Variants in GALNT14 observed in about 807,000 individuals in gnomAD.
The protein encoded by GALNT14 is UDP-GalNAc:polypeptide N-acetylgalactosaminyltransferase 14.
GALNT14 carries 60 observed loss-of-function variants against 77.5 expected under a neutral mutation model. That is an observed-to-expected ratio of 0.77 (90% CI 0.63 to 0.96). The LOEUF (loss-of-function observed/expected upper bound fraction) is 0.96. Among genes scored for constraint, GALNT14 ranks in the 40% least tolerant of loss-of-function variants. The pLI is 0.00. For synonymous variants in GALNT14, 280 were observed against 281.7 expected (o/e 0.99, Z 0.06); for missense variants, 710 against 731.0 (o/e 0.97, Z 0.33).
chr2:30,921,807 T>C (rs147540309), intron 13 of GALNT14, among the ~76,000 whole-genome samples: 83 of 152,290 alleles, frequency 5.5e-4, no homozygotes, highest in African/African-American at 1.9e-3. Context: ...ACACTTTTGA[T>C]GGCCGTGACT....
the GALNT14 span, among the ~76,000 whole-genome samples, chr2:30,899,046 T>C: frequency 6.6e-6 from 1 of 152,132 alleles, no homozygotes; most frequent in Non-Finnish European, 1.5e-5. Context: ...CCGAGCTCTG[T>C]TGCCACCCTC....
chr2:31,041,407 T>C (rs960652082), intron 1 of GALNT14, among the ~76,000 whole-genome samples: 1 of 152,102 alleles, frequency 6.6e-6, no homozygotes, highest in African/African-American at 2.4e-5. Flanking sequence ...CTTGGAAAGA[T>C]GGACAGGATT....
chr2:30,935,893 G>A (rs1446256512), intron 9 of GALNT14, among the ~76,000 whole-genome samples: 2 of 152,124 alleles, frequency 1.3e-5, no homozygotes, highest in Non-Finnish European at 2.9e-5. Context: ...GTACAGATTA[G>A]GGCCTCTGAT....
chr2:31,130,392 C>T (rs1433406274), intron 1 of GALNT14, among the ~76,000 whole-genome samples: 2 of 152,222 alleles, frequency 1.3e-5, no homozygotes. Flanking sequence ...GGGCAGAGGG[C>T]CAGCCACCAC....
chr2:31,085,145 A>G (rs145810128), intron 1 of GALNT14, among the ~76,000 whole-genome samples: 215 of 152,344 alleles, frequency 1.4e-3, no homozygotes, highest in African/African-American at 4.7e-3. Context: ...AAGCCAAATG[A>G]AAGCTATCTG....
chr2:30,889,192 G>A, the GALNT14 span, among the ~76,000 whole-genome samples: 11 of 152,124 alleles, frequency 7.2e-5, no homozygotes, highest in Admixed American at 5.2e-4. Flanking sequence ...AATAAAGGGC[G>A]AGAAAAATAG....
chr2:30,989,781 T>C (rs1476013083), intron 2 of GALNT14, among the ~76,000 whole-genome samples: 1 of 150,074 alleles, frequency 6.7e-6, no homozygotes, highest in Non-Finnish European at 1.5e-5. Flanking sequence ...TTGTGATTTT[T>C]ACCCCTATTT....
intron 1 of GALNT14, among the ~76,000 whole-genome samples, chr2:31,053,219 G>T (rs1673998711): frequency 6.6e-6 from 1 of 152,128 alleles, no homozygotes; most frequent in Non-Finnish European, 1.5e-5. Context: ...ATAATGCCAG[G>T]TTCTTTGCCT....
intron 1 of GALNT14, among the ~76,000 whole-genome samples, chr2:31,120,055 C>T (rs1678319281): frequency 8.5e-6 from 1 of 118,168 alleles, no homozygotes; most frequent in African/African-American, 2.8e-5. Flanking sequence ...ACTCGGGAGG[C>T]TGAGGCAGGA....
intron 4 of GALNT14, 42 bp downstream of exon 4, chr2:30,958,355 C>T (rs772758966): frequency 1.9e-6 from 3 of 1,553,660 alleles, no homozygotes; most frequent in South Asian, 2.2e-5. Context: ...TGGCTGGGAA[C>T]AGACATTCGT....
At chr2:30,948,194 A>C (rs1370283626) in intron 6 of GALNT14, among the ~76,000 whole-genome samples, 1 of 152,258 alleles carries the variant, frequency 6.6e-6, no homozygotes, top group Non-Finnish European at 1.5e-5. Flanking sequence ...ATGTCTGACA[A>C]AGTCTTGGTT....
At chr2:31,090,791 G>T (rs372177381) in intron 1 of GALNT14, among the ~76,000 whole-genome samples, 13 of 151,416 alleles carry the variant, frequency 8.6e-5, no homozygotes, top group African/African-American at 3.1e-4. Context: ...AAGATGAAGG[G>T]AAGGCAGTCC....
intron 2 of GALNT14, chr2:30,987,103 G>C (rs1444371891): frequency 6.6e-6 from 1 of 152,226 alleles, no homozygotes; most frequent in Non-Finnish European, 1.5e-5. Context: ...GAGAAGAGCA[G>C]GGATGTGCTG....
intron 1 of GALNT14, among the ~76,000 whole-genome samples, chr2:31,045,208 G>A (rs1476316255): frequency 1.3e-5 from 2 of 152,106 alleles, no homozygotes; most frequent in Admixed American, 1.3e-4. Flanking sequence ...CCCAAACCTT[G>A]AACTTCAGAG....
chr2:31,019,901 GCTTAC>G (rs1162166815), intron 1 of GALNT14, among the ~76,000 whole-genome samples: 5 of 152,150 alleles, frequency 3.3e-5, no homozygotes, highest in Admixed American at 3.3e-4. Context: ...CAATAGAAAG[GCTTAC>G]TCTTGGGCCA....
the GALNT14 span, among the ~76,000 whole-genome samples, chr2:30,904,202 G>A: frequency 6.6e-6 from 1 of 152,190 alleles, no homozygotes; most frequent in Non-Finnish European, 1.5e-5. Context: ...CTGATCTGGG[G>A]AGGAGCCAAG....
At chr2:31,066,609 T>A (rs1430723080) in intron 1 of GALNT14, among the ~76,000 whole-genome samples, 1 of 152,040 alleles carries the variant, frequency 6.6e-6, no homozygotes, top group Admixed American at 6.6e-5. Flanking sequence ...AACATCATCA[T>A]CCCCAGGATC....
chr2:31,128,808 C>A (rs191239903), intron 1 of GALNT14, among the ~76,000 whole-genome samples: 29 of 152,272 alleles, frequency 1.9e-4, no homozygotes, highest in Admixed American at 3.9e-4. Context: ...GCAGTGGTCC[C>A]GTGGACTGGC....
intron 1 of GALNT14, among the ~76,000 whole-genome samples, chr2:31,133,882 C>T (rs532483730): frequency 4.8e-4 from 73 of 152,226 alleles, no homozygotes; most frequent in Admixed American, 4.3e-3. Flanking sequence ...ATGAAATTAA[C>T]GTTAAAAAGT....
Sources: gnomAD v4.1 joint callset for allele counts (sites outside exome capture counted in the v4.1 genomes callset) on GRCh38, gnomAD v4.1.1 for gene constraint, MANE v1.5 for transcripts, NCBI Gene and HGNC (gene_info 2026-07-23, HGNC 2026-07-21) for gene names.